Variants in DPYD observed in about 807,000 individuals in gnomAD.
The protein encoded by DPYD is dihydropyrimidine dehydrogenase.
A neutral mutation model predicts 116.2 loss-of-function variants in DPYD; 109 were observed. The ratio of observed to expected loss-of-function variants is 0.94; its 90% CI spans 0.80 to 1.10. DPYD has a LOEUF of 1.10. Ranked by LOEUF, DPYD falls within the 50% of genes least tolerant of loss-of-function variation. DPYD has a pLI of 0.00. For synonymous variants in DPYD, 440 were observed against 432.0 expected, an observed-to-expected ratio of 1.02 and a Z score of -0.23; for missense variants, 1,302 against 1,254.5, an observed-to-expected ratio of 1.04 and a Z score of -0.57.
chr1:97,140,819 C>T (rs57140765), intron 20 of DPYD, among the ~76,000 whole-genome samples: 18,017 of 152,170 alleles, frequency 0.12, 1,443 homozygotes, highest in East Asian at 0.39. Flanking sequence ...CAGAAAAACT[C>T]TGGGATTTTA....
chr1:97,684,878 A>G (rs181611982), intron 7 of DPYD, among the ~76,000 whole-genome samples: 323 of 152,298 alleles, frequency 2.1e-3, no homozygotes, highest in African/African-American at 7.2e-3. Flanking sequence ...AAAAAAGCTC[A>G]GGGCCAGATG....
At position 97,721,605 on chromosome 1, in the gene DPYD, A is replaced by C; in HGVS notation, c.388T>G (p.Cys130Gly). Residue 130 changes from cysteine to glycine, a missense_variant, in exon 5 of 23, where the codon TGT becomes GGT. Transcript: ENST00000370192. ...CCTACACAAAGATCAGAGGTTGGACATACCATTCCACAAGTCAGACCAAGT... is the reference window on the plus strand; with the variant it reads ...CCTACACAAAGATCAGAGGTTGGACCTACCATTCCACAAGTCAGACCAAGT... ...NPLGLTCGMV[C>G]PTSDLCVGGC... 1.9e-6 allele frequency: 3 copies of C among 1,611,922 alleles called. No individual in the cohort carries two copies. The highest frequency in any genetic ancestry group is 2.5e-6 in the Non-Finnish European group (3 of 1,178,504).
At chr1:97,510,477 T>C (rs1484277866) in intron 13 of DPYD, among the ~76,000 whole-genome samples, 1 of 151,948 alleles carries the variant, frequency 6.6e-6, no homozygotes, top group Non-Finnish European at 1.5e-5. Flanking sequence ...AATAATCTCA[T>C]AGGCATTTGG....
chr1:97,889,213 G>A (rs976924443), intron 1 of DPYD, among the ~76,000 whole-genome samples: 1 of 151,728 alleles, frequency 6.6e-6, no homozygotes, highest in Middle Eastern at 3.4e-3. Context: ...AAAATTAAAG[G>A]AAGTTCTTCA....
intron 18 of DPYD, among the ~76,000 whole-genome samples, chr1:97,253,438 A>C (rs780784129): frequency 1.3e-5 from 2 of 152,278 alleles, no homozygotes; most frequent in South Asian, 2.1e-4. Context: ...CTCTTTCAAT[A>C]AACTTAGATA....
intron 2 of DPYD, among the ~76,000 whole-genome samples, chr1:97,865,467 T>C (rs1293465686): frequency 1.3e-5 from 2 of 152,004 alleles, no homozygotes; most frequent in Non-Finnish European, 2.9e-5. Context: ...ATTTATGTGA[T>C]GGAAAAGTTA....
intron 7 of DPYD, among the ~76,000 whole-genome samples, chr1:97,680,716 A>G (rs1660385775): frequency 6.6e-6 from 1 of 152,166 alleles, no homozygotes; most frequent in African/African-American, 2.4e-5. Context: ...CATCAGGCAG[A>G]TCAGACAGCA....
At chr1:97,445,784 G>C (rs1361437987) in intron 14 of DPYD, among the ~76,000 whole-genome samples, 1 of 148,470 alleles carries the variant, frequency 6.7e-6, no homozygotes, top group African/African-American at 2.5e-5. Flanking sequence ...GGAGTGCAGT[G>C]GCATAATCTC....
chr1:97,720,252 A>C, intron 5 of DPYD: 1 of 984,998 alleles, frequency 1.0e-6, no homozygotes, highest in African/African-American at 1.7e-5. Context: ...ATTTTGTTTT[A>C]AAATGCTGTG....
intron 14 of DPYD, among the ~76,000 whole-genome samples, chr1:97,444,396 G>GA (rs1193582232): frequency 2.6e-5 from 4 of 151,754 alleles, no homozygotes; most frequent in East Asian, 1.9e-4. Context: ...GTTAAAATGG[G>GA]AAAAAAAATC....
chr1:97,275,847 A>G (rs988304227), intron 18 of DPYD, among the ~76,000 whole-genome samples: 1 of 152,164 alleles, frequency 6.6e-6, no homozygotes, highest in African/African-American at 2.4e-5. Flanking sequence ...AGACATGTGC[A>G]TAGCTATCTC....
intron 7 of DPYD, among the ~76,000 whole-genome samples, chr1:97,680,819 G>A (rs1433808785): frequency 1.3e-5 from 2 of 152,142 alleles, no homozygotes; most frequent in Non-Finnish European, 2.9e-5. Context: ...CTGGCCTCTT[G>A]AGTGAAGTTT....
intron 16 of DPYD, among the ~76,000 whole-genome samples, chr1:97,359,916 C>T (rs187705243): frequency 7.2e-5 from 11 of 152,138 alleles, no homozygotes; most frequent in Non-Finnish European, 1.2e-4. Flanking sequence ...GGCAAAATAA[C>T]CAGCTAACAT....
At chr1:97,172,246 C>T (rs1349252063) in intron 20 of DPYD, among the ~76,000 whole-genome samples, 1 of 152,056 alleles carries the variant, frequency 6.6e-6, no homozygotes, top group African/African-American at 2.4e-5. Context: ...AGGACACATA[C>T]ATTAATGAGT....
intron 14 of DPYD, among the ~76,000 whole-genome samples, chr1:97,432,290 C>T (rs1675225147): frequency 6.6e-6 from 1 of 152,118 alleles, no homozygotes; most frequent in African/African-American, 2.4e-5. Flanking sequence ...CACACCCATA[C>T]TGCTTTCCAT....
chr1:97,218,702 A>C (rs976637484), intron 19 of DPYD, among the ~76,000 whole-genome samples: 22 of 152,072 alleles, frequency 1.4e-4, no homozygotes, highest in African/African-American at 5.3e-4. Flanking sequence ...GAAGTACATC[A>C]ACACAAGGAA....
At chr1:97,863,050 A>G (rs1469646161) in intron 2 of DPYD, among the ~76,000 whole-genome samples, 1 of 151,968 alleles carries the variant, frequency 6.6e-6, no homozygotes, top group Non-Finnish European at 1.5e-5. Flanking sequence ...TCTTAGTGAT[A>G]TATTTTACTC....
At chr1:97,854,322 T>C (rs976742889) in intron 2 of DPYD, among the ~76,000 whole-genome samples, 2 of 152,326 alleles carry the variant, frequency 1.3e-5, no homozygotes, top group African/African-American at 4.8e-5. Context: ...ATCTTTAATA[T>C]CATACATCAA....
At chr1:97,374,584 T>G (rs1456405651) in intron 15 of DPYD, among the ~76,000 whole-genome samples, 2 of 151,150 alleles carry the variant, frequency 1.3e-5, no homozygotes, top group Admixed American at 1.3e-4. Flanking sequence ...CCGGGCATGG[T>G]GGTGGGCGCC....
Sources: allele counts gnomAD v4.1 joint callset (sites outside exome capture counted in the v4.1 genomes callset), GRCh38; gene constraint gnomAD v4.1.1; transcripts MANE v1.5; gene names NCBI Gene and HGNC (gene_info 2026-07-23, HGNC 2026-07-21).